UNC13C: variants seen among roughly 807,000 people sequenced by gnomAD.
The protein encoded by UNC13C is protein unc-13 homolog C.
UNC13C carries 174 observed loss-of-function variants against 245.4 expected under a neutral mutation model. That is an observed-to-expected ratio of 0.71 (90% CI 0.63 to 0.80). UNC13C has a LOEUF of 0.80. UNC13C is among the 30% of genes least tolerant of loss of function. The probability of loss-of-function intolerance (pLI) is 0.00; values close to 1 mark genes in which losing one functional copy is unlikely to be tolerated. For synonymous variants in UNC13C, 992 were observed against 895.1 expected (o/e 1.11, Z -1.93); for missense variants, 2,829 against 2,602.9 (o/e 1.09, Z -1.89).
In UNC13C at chr15:54,507,329, G is replaced by T. The variant is rs556284981; in HGVS notation, c.5379+135G>T. On this transcript the variant is annotated intron_variant, in intron 23 of 32. Transcript: ENST00000260323. ...AAGAAATAAGGATCTTAAGAAGCTG[G>T]AAACTTCTCCAGGGTTCTTGAACTG... 6.9e-4 allele frequency: 434 copies of T among 625,234 alleles called. 6 individuals carry two copies. The South Asian group carries it at 9.1e-3, about 13-fold the overall frequency. The allele number at this position is 625,234 out of a possible 1,614,324, so 38.7% of individuals were successfully genotyped here. A position where few individuals can be genotyped will look rare whatever the true frequency, so the allele number is the denominator to read the frequency against.
intron 4 of UNC13C, among the ~76,000 whole-genome samples, chr15:54,183,958 T>C (rs1167286076): frequency 6.6e-6 from 1 of 150,544 alleles, no homozygotes; most frequent in Admixed American, 6.6e-5. Flanking sequence ...GGAAAGGACA[T>C]TCAACCAGTT....
chr15:54,036,905 C>T (rs914668124), intron 2 of UNC13C, among the ~76,000 whole-genome samples: 4 of 152,172 alleles, frequency 2.6e-5, no homozygotes, highest in African/African-American at 9.7e-5. Flanking sequence ...TCTGGGAAAG[C>T]AGGGAGAGTC....
At position 54,086,924 on chromosome 15, in the gene UNC13C, C is replaced by T. The variant is rs540510596; in HGVS notation, c.2984-56094C>T. Reference sequence around the variant, plus strand: ...TAATTTTTTGTATTTTTAGTAGAGACGGGGTTTCACCATCTTGGTCAGGCT... The same window carrying T: ...TAATTTTTTGTATTTTTAGTAGAGATGGGGTTTCACCATCTTGGTCAGGCT... On this transcript the variant is annotated intron_variant, in intron 2 of 32. Transcript: ENST00000260323. Among the ~76,000 whole-genome samples the T allele has an allele frequency of 1.5e-4, 23 of 151,692 alleles. No individual in the cohort carries two copies. The East Asian group carries it at 1.8e-3, about 12-fold the overall frequency.
intron 2 of UNC13C, among the ~76,000 whole-genome samples, chr15:54,084,263 A>C (rs1463857384): frequency 6.6e-6 from 1 of 151,000 alleles, no homozygotes; most frequent in African/African-American, 2.4e-5. Context: ...TACTCTTTCT[A>C]CTCTCTTTCT....
intron 14 of UNC13C, among the ~76,000 whole-genome samples, chr15:54,326,088 A>G (rs759182378): frequency 8.5e-5 from 13 of 152,066 alleles, no homozygotes; most frequent in Non-Finnish European, 1.2e-4. Flanking sequence ...ATGAGAAAGG[A>G]CAAACTCTGT....
In UNC13C at chr15:54,013,859, C is replaced by A. The variant is rs370911264; in HGVS notation, c.956C>A (p.Ala319Glu). 91 of 1,613,328 alleles carry A rather than the reference C, an allele frequency of 5.6e-5. No homozygotes were observed. The highest frequency in any genetic ancestry group is 3.9e-4 in the African/African-American group (29 of 74,950). ...IKHLGHMGSKASLRFLNVTEE... is the reference protein window; with the variant it reads ...IKHLGHMGSKESLRFLNVTEE... ...CACTTAGGTCATATGGGTAGCAAGGCAAGCCTGAGATTTTTAAATGTGACT... is the reference window on the plus strand; with the variant it reads ...CACTTAGGTCATATGGGTAGCAAGGAAAGCCTGAGATTTTTAAATGTGACT... Residue 319 changes from alanine to glutamate, a missense_variant, in exon 2 of 33, where the codon GCA (alanine) becomes GAA (glutamate). Ala to Glu is a moderately radical substitution (Grantham distance 107). Transcript: ENST00000260323.
intron 23 of UNC13C, among the ~76,000 whole-genome samples, chr15:54,509,852 G>A (rs1292790568): frequency 1.3e-5 from 2 of 152,084 alleles, no homozygotes; most frequent in African/African-American, 4.8e-5. Flanking sequence ...CAAGGTCAGG[G>A]AACTCTTAAT....
At chr15:53,891,664 C>G in the UNC13C span, among the ~76,000 whole-genome samples, 2 of 152,050 alleles carry the variant, frequency 1.3e-5, no homozygotes, top group Non-Finnish European at 2.9e-5. Flanking sequence ...CTGTTTTTAT[C>G]TGAGATTAGG....
chr15:54,485,274 A>G (rs144254686), intron 19 of UNC13C, among the ~76,000 whole-genome samples: 2 of 152,248 alleles, frequency 1.3e-5, no homozygotes, highest in East Asian at 1.9e-4. Flanking sequence ...CCATTTATCT[A>G]TTCATCTATT....
chr15:54,015,637 A>C lies in UNC13C; in HGVS notation c.2734A>C (p.Thr912Pro). The change falls in exon 2 of 33, where the codon ACA becomes CCA. Residue 912 changes from threonine (T) to proline (P), a missense_variant. Thr to Pro is a conservative substitution (Grantham distance 38). Transcript: ENST00000260323. ...AGCATATGATCACCTTTCATATGAA[A>C]CACCTTATGAAACCCCACAAGATGA... is the stretch of plus-strand genomic sequence containing the variant. Reference protein sequence around the residue: ...MQAYDHLSYETPYETPQDEGY... With the variant: ...MQAYDHLSYEPPYETPQDEGY... 6.2e-7 allele frequency: 1 copy of C among 1,613,822 alleles called. No individual in the cohort carries two copies. Among genetic ancestry groups the C allele is most frequent in the Non-Finnish European group, 8.5e-7 (1 of 1,179,774 alleles).
At chr15:54,524,814 A>G (rs551134478) in intron 24 of UNC13C, among the ~76,000 whole-genome samples, 3 of 152,352 alleles carry the variant, frequency 2.0e-5, no homozygotes, top group African/African-American at 4.8e-5. Context: ...TTGGGCAAGA[A>G]CTAATGATAT....
chr15:53,886,132 T>A, the UNC13C span, among the ~76,000 whole-genome samples: 1 of 152,192 alleles, frequency 6.6e-6, no homozygotes, highest in African/African-American at 2.4e-5. Context: ...TTTATAGATA[T>A]GTGTATTTCT....
chr15:53,992,222 A>G (rs1894424150), intron 1 of UNC13C, among the ~76,000 whole-genome samples: 1 of 152,004 alleles, frequency 6.6e-6, no homozygotes. Context: ...CTCTCCATTG[A>G]TGTAGCACTG....
intron 30 of UNC13C, among the ~76,000 whole-genome samples, chr15:54,602,534 G>T (rs1444130589): frequency 1.3e-5 from 2 of 152,118 alleles, no homozygotes; most frequent in African/African-American, 4.8e-5. Flanking sequence ...CATTTTAAAA[G>T]CATGAGCATA....
intron 8 of UNC13C, among the ~76,000 whole-genome samples, chr15:54,263,364 A>G (rs1175496561): frequency 2.0e-5 from 3 of 152,178 alleles, no homozygotes; most frequent in Non-Finnish European, 4.4e-5. Context: ...AATACTGGGC[A>G]ACCCAGAAGG....
intron 1 of UNC13C, among the ~76,000 whole-genome samples, chr15:53,998,445 C>T (rs925111104): frequency 6.6e-6 from 1 of 151,912 alleles, no homozygotes; most frequent in Admixed American, 6.6e-5. Flanking sequence ...TAGTGAGAAA[C>T]ATAATTTATC....
the UNC13C span, among the ~76,000 whole-genome samples, chr15:53,842,667 A>T: frequency 6.6e-6 from 1 of 152,282 alleles, no homozygotes; most frequent in Non-Finnish European, 1.5e-5. Flanking sequence ...TGGAGATATT[A>T]AACCTGAAAA....
chr15:53,847,243 A>G, the UNC13C span, among the ~76,000 whole-genome samples: 1 of 152,172 alleles, frequency 6.6e-6, no homozygotes, highest in Non-Finnish European at 1.5e-5. Flanking sequence ...GCAGGTTTTT[A>G]ACTTTCACTA....
At chr15:54,497,734 C>G (rs1894020944) in intron 20 of UNC13C, among the ~76,000 whole-genome samples, 1 of 151,984 alleles carries the variant, frequency 6.6e-6, no homozygotes, top group African/African-American at 2.4e-5. Flanking sequence ...CTTCTGATGC[C>G]TAATAGCATA....
Sources: allele counts gnomAD v4.1 joint callset (sites outside exome capture counted in the v4.1 genomes callset), GRCh38; gene constraint gnomAD v4.1.1; transcripts MANE v1.5; gene names NCBI Gene and HGNC (gene_info 2026-07-23, HGNC 2026-07-21).